The following GPC6 variants were observed in gnomAD, a reference collection of about 807,000 sequenced individuals.
GPC6 encodes glypican-6.
In GPC6, 14 loss-of-function variants were observed where a neutral mutation model predicts 55.2. That is an observed-to-expected ratio of 0.25 (90% CI 0.17 to 0.40). The LOEUF (loss-of-function observed/expected upper bound fraction) is 0.40, where lower values mean the gene tolerates loss of function less well. GPC6 is among the 10% of genes least tolerant of loss of function. The probability of loss-of-function intolerance (pLI) is 1.00; values close to 1 mark genes in which losing one functional copy is unlikely to be tolerated. For synonymous variants in GPC6, 278 were observed against 259.6 expected, an observed-to-expected ratio of 1.07 and a Z score of -0.68; for missense variants, 641 against 708.5, an observed-to-expected ratio of 0.90 and a Z score of 1.08.
At chr13:93,365,623 A>T (rs1276618072) in intron 1 of GPC6, among the ~76,000 whole-genome samples, 7 of 152,086 alleles carry the variant, frequency 4.6e-5, no homozygotes, top group Admixed American at 4.6e-4. Flanking sequence ...CCATATGTGC[A>T]TATGTGTTTT....
At chr13:94,018,826 T>C (rs574173730) in intron 3 of GPC6, among the ~76,000 whole-genome samples, 90 of 152,030 alleles carry the variant, frequency 5.9e-4, no homozygotes, top group African/African-American at 2.1e-3. Context: ...CTTATAGGAG[T>C]GTGGACCCTA....
chr13:93,967,313 T>C (rs1458255532), intron 3 of GPC6, among the ~76,000 whole-genome samples: 1 of 152,208 alleles, frequency 6.6e-6, no homozygotes, highest in Non-Finnish European at 1.5e-5. Flanking sequence ...GTGCTACATA[T>C]ACTATGATTA....
At chr13:93,770,154 C>T (rs1323962574) in intron 2 of GPC6, among the ~76,000 whole-genome samples, 3 of 152,138 alleles carry the variant, frequency 2.0e-5, no homozygotes, top group African/African-American at 7.2e-5. Flanking sequence ...AACCATACAA[C>T]CCCCACTTTT....
chr13:93,622,714 G>A (rs1212384390), intron 2 of GPC6, among the ~76,000 whole-genome samples: 1 of 151,850 alleles, frequency 6.6e-6, no homozygotes, highest in Admixed American at 6.6e-5. Context: ...ATCTAATCAG[G>A]GTAATTACAT....
chr13:94,190,093 G>A (rs1473854407), intron 4 of GPC6, among the ~76,000 whole-genome samples: 1 of 151,808 alleles, frequency 6.6e-6, no homozygotes, highest in African/African-American at 2.4e-5. Flanking sequence ...GGAGGCCAAG[G>A]GGGGCAGATC....
intron 2 of GPC6, among the ~76,000 whole-genome samples, chr13:93,621,414 A>C (rs2139557321): frequency 6.6e-6 from 1 of 152,270 alleles, no homozygotes; most frequent in Admixed American, 6.5e-5. Context: ...TAAAAATGGT[A>C]TTATCCTTTA....
chr13:93,692,781 A>G (rs932271732), intron 2 of GPC6, among the ~76,000 whole-genome samples: 1 of 152,096 alleles, frequency 6.6e-6, no homozygotes, highest in African/African-American at 2.4e-5. Flanking sequence ...TCAAGACCTT[A>G]CTTTTCTCTA....
chr13:93,775,081 C>T (rs772463675), intron 2 of GPC6, among the ~76,000 whole-genome samples: 9 of 152,154 alleles, frequency 5.9e-5, no homozygotes, highest in Non-Finnish European at 1.3e-4. Context: ...GATAACAACA[C>T]GTTCTGTACT....
chr13:93,425,482 G>A (rs578152075), intron 1 of GPC6, among the ~76,000 whole-genome samples: 210 of 152,294 alleles, frequency 1.4e-3, no homozygotes, highest in African/African-American at 4.9e-3. Context: ...AGATGGAAAT[G>A]AGAAAAGGAT....
chr13:94,058,656 G>A (rs184576756), intron 4 of GPC6, among the ~76,000 whole-genome samples: 4 of 152,230 alleles, frequency 2.6e-5, no homozygotes, highest in South Asian at 2.1e-4. Context: ...CTCTGCCCTC[G>A]GAAGATTTCA....
At chr13:93,689,212 A>T (rs1385532131) in intron 2 of GPC6, among the ~76,000 whole-genome samples, 2 of 152,054 alleles carry the variant, frequency 1.3e-5, no homozygotes, top group South Asian at 2.1e-4. Flanking sequence ...GCAAAAACAA[A>T]ATTAAAATTG....
At chr13:93,930,642 G>T (rs1336390216) in intron 3 of GPC6, among the ~76,000 whole-genome samples, 3 of 152,012 alleles carry the variant, frequency 2.0e-5, no homozygotes, top group Non-Finnish European at 2.9e-5. Flanking sequence ...CACTCTAGCA[G>T]GGCATGGAGA....
chr13:94,299,629 C>T (rs1875535888), intron 5 of GPC6, among the ~76,000 whole-genome samples: 2 of 152,184 alleles, frequency 1.3e-5, no homozygotes, highest in African/African-American at 4.8e-5. Flanking sequence ...AAGAAGGTGC[C>T]ATCTATAAAG....
chr13:94,270,489 C>G (rs1056001607), intron 4 of GPC6, among the ~76,000 whole-genome samples: 65 of 152,196 alleles, frequency 4.3e-4, no homozygotes, highest in Middle Eastern at 3.4e-3. Flanking sequence ...GCATACATAG[C>G]CTGATCCTAA....
In GPC6 at chr13:94,179,279, T is replaced by A. The variant is rs577376469; in HGVS notation, c.878-107070T>A. On this transcript the variant is annotated intron_variant, in intron 4 of 8. Coordinates refer to ENST00000377047, the MANE Select transcript of GPC6 (RefSeq NM_005708.5). ...CAGGTGTCAAATGACGCTGCATTTG[T>A]CTGTACACCATCTCCTCAGAAATCT... 2.6e-5 allele frequency among the ~76,000 whole-genome samples: 4 copies of A among 152,344 alleles called. No homozygotes were observed. In the South Asian group the frequency reaches 8.3e-4, roughly 32 times the overall value.
At chr13:93,488,921 G>T (rs1239532714) in intron 1 of GPC6, among the ~76,000 whole-genome samples, 1 of 151,992 alleles carries the variant, frequency 6.6e-6, no homozygotes, top group South Asian at 2.1e-4. Flanking sequence ...TCTATAGGTT[G>T]CCTGTTCCCG....
rs1881426157 is a variant in GPC6 at position 94,407,843 on chromosome 13, C to T, written c.*4626C>T. ...TGTATAACCTGCTAAAGATTTATTT[C>T]ACAAATGCTTATTGAACTCTTATTC... On this transcript the variant is annotated 3_prime_UTR_variant, in exon 9 of 9. Coordinates refer to ENST00000377047, the MANE Select transcript of GPC6 (RefSeq NM_005708.5). 6.6e-6 allele frequency among the ~76,000 whole-genome samples: 1 copy of T among 152,142 alleles called. No homozygotes were observed. Among genetic ancestry groups the T allele is most frequent in the Admixed American group, 6.6e-5 (1 of 15,266 alleles).
intron 3 of GPC6, among the ~76,000 whole-genome samples, chr13:93,894,132 A>ATTAT (rs1335863751): frequency 1.3e-5 from 2 of 152,174 alleles, no homozygotes; most frequent in Non-Finnish European, 2.9e-5. Context: ...GGAAAACTAA[A>ATTAT]TTATTGCTGC....
intron 3 of GPC6, among the ~76,000 whole-genome samples, chr13:93,832,607 G>C (rs1887563573): frequency 6.6e-6 from 1 of 152,116 alleles, no homozygotes; most frequent in African/African-American, 2.4e-5. Flanking sequence ...TGTCTACAAA[G>C]CCATGAGGGA....
Sources: gnomAD v4.1 joint callset for allele counts (sites outside exome capture counted in the v4.1 genomes callset) on GRCh38, gnomAD v4.1.1 for gene constraint, MANE v1.5 for transcripts, NCBI Gene and HGNC (gene_info 2026-07-23, HGNC 2026-07-21) for gene names.